RBMS1: variants seen among roughly 807,000 people sequenced by gnomAD.
RBMS1 encodes RNA-binding motif, single-stranded-interacting protein 1.
RBMS1 carries 17 observed loss-of-function variants against 62.3 expected under a neutral mutation model. The ratio of observed to expected loss-of-function variants is 0.27; its 90% CI spans 0.19 to 0.41. The LOEUF is 0.41. RBMS1 is among the 10% of genes least tolerant of loss of function. RBMS1 has a pLI of 1.00. For missense variants in RBMS1, 334 were observed against 504.5 expected (o/e 0.66, Z 3.24); for synonymous variants, 172 against 170.0 (o/e 1.01, Z -0.09).
chr2:160,362,563 A>G (rs920008761), intron 2 of RBMS1, among the ~76,000 whole-genome samples: 2 of 152,206 alleles, frequency 1.3e-5, no homozygotes, highest in East Asian at 1.9e-4. Context: ...TTATTGATTA[A>G]GTCCTATATG....
At chr2:160,373,921 G>C (rs1693862771) in intron 1 of RBMS1, among the ~76,000 whole-genome samples, 1 of 152,128 alleles carries the variant, frequency 6.6e-6, no homozygotes, top group Non-Finnish European at 1.5e-5. Context: ...GGGACAAAAA[G>C]GTTGAGGAAG....
chr2:160,317,733 A>G (rs915887954), intron 3 of RBMS1, among the ~76,000 whole-genome samples: 2 of 152,198 alleles, frequency 1.3e-5, no homozygotes, highest in Admixed American at 6.5e-5. Context: ...GTAATTAAGT[A>G]CTGCTTAAAA....
intron 1 of RBMS1, among the ~76,000 whole-genome samples, chr2:160,368,258 C>T (rs1384327299): frequency 1.3e-5 from 2 of 152,164 alleles, no homozygotes; most frequent in Admixed American, 6.5e-5. Flanking sequence ...TCACAGCAAA[C>T]GCGCAGCAAT....
chr2:160,408,077 G>GGGGAGCAGCCGGCGCCCCC (rs1553520724), intron 1 of RBMS1, among the ~76,000 whole-genome samples: 2 of 149,946 alleles, frequency 1.3e-5, no homozygotes, highest in Non-Finnish European at 3.0e-5. Context: ...CGGGCGGCCC[G>GGGGAGCAGCCGGCGCCCCC]GGGAGCAGCC....
chr2:160,277,020 G>C (rs1215551797), intron 12 of RBMS1, among the ~76,000 whole-genome samples: 1 of 152,132 alleles, frequency 6.6e-6, no homozygotes. Flanking sequence ...TGGGACTACA[G>C]GTCCATGTCA....
At chr2:160,394,665 A>C (rs1411002683) in intron 1 of RBMS1, among the ~76,000 whole-genome samples, 2 of 152,240 alleles carry the variant, frequency 1.3e-5, no homozygotes, top group Non-Finnish European at 2.9e-5. Flanking sequence ...GTTAACATGC[A>C]ACTTACTATT....
At chr2:160,360,933 A>C (rs375409350) in intron 2 of RBMS1, among the ~76,000 whole-genome samples, 37 of 152,330 alleles carry the variant, frequency 2.4e-4, no homozygotes, top group African/African-American at 8.7e-4. Context: ...TAGGGACAGA[A>C]AATAAATATG....
chr2:160,456,547 C>T (rs900695185), intron 1 of RBMS1, among the ~76,000 whole-genome samples: 1 of 152,158 alleles, frequency 6.6e-6, no homozygotes, highest in Non-Finnish European at 1.5e-5. Flanking sequence ...ATACCTTGAG[C>T]ATAATTTAAA....
At chr2:160,377,649 A>G (rs535057178) in intron 1 of RBMS1, among the ~76,000 whole-genome samples, 1 of 152,348 alleles carries the variant, frequency 6.6e-6, no homozygotes, top group Admixed American at 6.5e-5. Flanking sequence ...TGGGAGGGGT[A>G]TGAGGGATCA....
intron 1 of RBMS1, among the ~76,000 whole-genome samples, chr2:160,413,188 A>G (rs1196559351): frequency 1.3e-5 from 2 of 152,232 alleles, no homozygotes; most frequent in Admixed American, 1.3e-4. Context: ...GGAAAAATTC[A>G]TTCAACACTA....
intron 1 of RBMS1, among the ~76,000 whole-genome samples, chr2:160,474,439 G>A (rs1268003941): frequency 6.6e-6 from 1 of 152,110 alleles, no homozygotes; most frequent in Non-Finnish European, 1.5e-5. Flanking sequence ...TGATATGACT[G>A]CAAGATCATG....
intron 1 of RBMS1, among the ~76,000 whole-genome samples, chr2:160,486,275 G>GTCC (rs1474034433): frequency 6.6e-6 from 1 of 152,052 alleles, no homozygotes; most frequent in East Asian, 1.9e-4. Context: ...TTGATTCCCT[G>GTCC]TCCTCCACCC....
chr2:160,339,891 G>C (rs1573891745), intron 2 of RBMS1, among the ~76,000 whole-genome samples: 1 of 152,146 alleles, frequency 6.6e-6, no homozygotes, highest in East Asian at 1.9e-4. Flanking sequence ...AGAGTGCTAT[G>C]TAACTCTATG....
chr2:160,449,698 T>C (rs1051976793), intron 1 of RBMS1, among the ~76,000 whole-genome samples: 10 of 152,106 alleles, frequency 6.6e-5, no homozygotes, highest in Non-Finnish European at 1.3e-4. Flanking sequence ...CGGAAGGCCC[T>C]AGGGTCCTCT....
At chr2:160,280,864 TTTG>T (rs1454704770) in intron 10 of RBMS1, among the ~76,000 whole-genome samples, 2 of 152,206 alleles carry the variant, frequency 1.3e-5, no homozygotes, top group East Asian at 3.8e-4. Context: ...AGAAATCACA[TTTG>T]TTATTTACCA....
rs900664502 is a variant in RBMS1, at chr2:160,274,444, T to C, written c.*328A>G. ...ATGGTCTTTGTGCATACCCAGAAAA[T>C]TGAAGTTTTCTTTTCTTTTTTTTTT... On this transcript the variant is annotated 3_prime_UTR_variant, in exon 14 of 14. Coordinates refer to ENST00000348849, the MANE Select transcript of RBMS1 (RefSeq NM_016836.4). The C allele has an allele frequency of 3.3e-5, 5 of 151,372 alleles. No homozygotes were observed. The highest frequency in any genetic ancestry group is 9.7e-5 in the African/African-American group (4 of 41,316). 9.4% of individuals were successfully genotyped at this position (151,372 alleles called of 1,614,324 possible). A position where few individuals can be genotyped will look rare whatever the true frequency, so the allele number is the denominator to read the frequency against.
chr2:160,421,451 T>C (rs567378613), intron 1 of RBMS1, among the ~76,000 whole-genome samples: 2 of 152,192 alleles, frequency 1.3e-5, no homozygotes, highest in Non-Finnish European at 2.9e-5. Flanking sequence ...TCCAGCTTCA[T>C]CCAAGTCCCT....
intron 2 of RBMS1, among the ~76,000 whole-genome samples, chr2:160,359,435 C>CCCAA (rs1324109624): frequency 6.6e-6 from 1 of 152,060 alleles, no homozygotes; most frequent in Non-Finnish European, 1.5e-5. Flanking sequence ...GTCATTTGAC[C>CCCAA]TTGGGTCCCC....
chr2:160,276,508 A>G (rs1450170975), intron 12 of RBMS1: 2 of 152,488 alleles, frequency 1.3e-5, no homozygotes, highest in African/African-American at 2.4e-5. Flanking sequence ...CTGGATTGAT[A>G]CATTTCCTTG....
Sources: gnomAD v4.1 joint callset for allele counts (sites outside exome capture counted in the v4.1 genomes callset) on GRCh38, gnomAD v4.1.1 for gene constraint, MANE v1.5 for transcripts, NCBI Gene and HGNC (gene_info 2026-07-23, HGNC 2026-07-21) for gene names.